The following EEF1B2 variants were observed in gnomAD, a reference collection of about 807,000 sequenced individuals.
EEF1B2 encodes the protein eukaryotic translation elongation factor 1 beta 2.
In EEF1B2, 12 loss-of-function variants were observed where a neutral mutation model predicts 28.3. The ratio of observed to expected loss-of-function variants is 0.42; its 90% CI spans 0.27 to 0.69. The LOEUF is 0.69. Ranked by LOEUF, EEF1B2 falls within the 30% of genes least tolerant of loss-of-function variation. The pLI is 0.22. For missense variants in EEF1B2, 234 were observed against 272.6 expected, an observed-to-expected ratio of 0.86 and a Z score of 1.00; for synonymous variants, 83 against 99.9, an observed-to-expected ratio of 0.83 and a Z score of 1.01.
Position 206,160,767 on chromosome 2 carries a change from A to G in EEF1B2, c.203+57A>G, listed in dbSNP as rs540672669. ...AAGACTGCTCTCGAAGTTTATCAGG[A>G]TGTTCACATGACAAAACTGGACCCA... On this transcript the variant is annotated intron_variant, in intron 2 of 5. Coordinates refer to ENST00000392222, the MANE Select transcript of EEF1B2 (RefSeq NM_001959.4). The G allele has an allele frequency of 3.1e-6, 5 of 1,613,200 alleles. No homozygotes were observed. The South Asian group carries it at 3.3e-5, about 11-fold the overall frequency.
At chr2:206,160,742 A>G (rs1687900522) in intron 2 of EEF1B2, 32 bp downstream of exon 2, 6 of 1,613,772 alleles carry the variant, frequency 3.7e-6, no homozygotes, top group Non-Finnish European at 5.1e-6. Flanking sequence ...GCTGAAGAAT[A>G]AGACTGCTCT....
Position 206,162,783 on chromosome 2 carries a change from T to A in EEF1B2, c.578T>A (p.Val193Asp). 6.2e-6 allele frequency: 10 copies of A among 1,611,896 alleles called. No individual in the cohort carries two copies. Among genetic ancestry groups the A allele is most frequent in the Non-Finnish European group, 7.6e-6 (9 of 1,179,994 alleles). The change falls in exon 6 of 6, where the codon GTT (valine) becomes GAT (aspartate). Residue 193 changes from valine (V) to aspartate (D), a missense_variant. This residue lies in a region of EEF1B2 where 56 missense variants were observed against 99.3 expected (regional missense o/e 0.56). Transcript: ENST00000392222. ...GIKKLQIQCVVEDDKVGTDML... is the reference protein window; with the variant it reads ...GIKKLQIQCVDEDDKVGTDML... ...AAGAAACTTCAAATACAGTGTGTAG[T>A]TGAAGATGATAAAGTTGGAACAGAT...
At chr2:206,162,696 T>C (rs1245889565) in intron 5 of EEF1B2, 33 bp from the exon 6 acceptor site, 4 of 1,612,126 alleles carry the variant, frequency 2.5e-6, no homozygotes, top group South Asian at 1.1e-5. Context: ...ACAAGACTTT[T>C]CTAACTAGGA....
At chr2:206,161,207 C>A in intron 2 of EEF1B2, 139 bp from the exon 3 acceptor site, 1 of 1,196,488 alleles carries the variant, frequency 8.4e-7, no homozygotes, top group South Asian at 1.4e-5. Flanking sequence ...ACAGTGTTTA[C>A]CTGGGCGCAT....
chr2:206,161,594 A>C (rs1180375631), intron 3 of EEF1B2, 122 bp downstream of exon 3: 41 of 1,258,320 alleles, frequency 3.3e-5, no homozygotes, highest in Non-Finnish European at 4.1e-5. Context: ...CAGCCTGGCC[A>C]AGATGGTGAA....
In EEF1B2 at chr2:206,162,119, T is replaced by C. The variant is rs1250675205; in HGVS notation, c.397+15T>C. The C allele has an allele frequency of 1.9e-6, 3 of 1,609,678 alleles. No homozygotes were observed. The African/African-American group carries it at 4.0e-5, about 22-fold the overall frequency. ...GAAAGCCAAAAGTAGGTCATTTGTTTTTAACTTCATTTCATGTTAATGTAA... is the reference window on the plus strand; with the variant it reads ...GAAAGCCAAAAGTAGGTCATTTGTTCTTAACTTCATTTCATGTTAATGTAA... On this transcript the variant is annotated intron_variant, in intron 4 of 5. Transcript: ENST00000392222.
At chr2:206,161,978 C>A in intron 3 of EEF1B2, 60 bp from the exon 4 acceptor site, 1 of 1,460,508 alleles carries the variant, frequency 6.8e-7, no homozygotes, top group Non-Finnish European at 9.6e-7. Context: ...GATGACCCCA[C>A]TAGCTTTAAG....
Position 206,162,475 on chromosome 2 carries a change from T to C in EEF1B2, c.398-14T>C, listed in dbSNP as rs181533336. On this transcript the variant is annotated splice_polypyrimidine_tract_variant and intron_variant, in intron 4 of 5. Transcript: ENST00000392222. ...ACAATTCATTATTTGAATAATGCTG[T>C]TTATTGTTTTTAGAACCTGCACTTG... The C allele has an allele frequency of 3.4e-4, 541 of 1,611,872 alleles. 2 individuals are homozygous for C. In the African/African-American group the frequency reaches 6.6e-3, roughly 20 times the overall value.
At chr2:206,161,804 G>C (rs1687942337) in intron 3 of EEF1B2, 2 of 685,888 alleles carry the variant, frequency 2.9e-6, no homozygotes, top group African/African-American at 1.8e-5. Flanking sequence ...ATCAGCAATT[G>C]TATCAATGTG....
chr2:206,162,355 C>T (rs745442409), intron 4 of EEF1B2, 134 bp from the exon 5 acceptor site: 2 of 1,395,964 alleles, frequency 1.4e-6, no homozygotes, highest in Non-Finnish European at 2.0e-6. Flanking sequence ...GTGTGACAGA[C>T]ACAAGATGTA....
chr2:206,162,557 G>T lies in EEF1B2; in HGVS notation c.466G>T (p.Ala156Ser). Residue 156 changes from alanine (A) to serine (S), a missense_variant, in exon 5 of 6, where the codon GCG becomes TCG. Transcript: ENST00000392222. Reference protein sequence around the residue: ...VKPWDDETDMAKLEECVRSIQ... With the variant: ...VKPWDDETDMSKLEECVRSIQ... ...ACCTTGGGATGATGAGACAGATATG[G>T]CGAAATTAGAGGAGTGCGTCAGAAG... 6.2e-7 allele frequency: 1 copy of T among 1,613,320 alleles called. No individual in the cohort carries two copies. The highest frequency in any genetic ancestry group is 8.5e-7 in the Non-Finnish European group (1 of 1,180,026).
chr2:206,160,784 CTG>C, intron 2 of EEF1B2, 74 bp downstream of exon 2: 1 of 1,610,528 alleles, frequency 6.2e-7, no homozygotes, highest in Non-Finnish European at 8.5e-7. Context: ...CATGACAAAA[CTG>C]GACCCAGGCT....
intron 4 of EEF1B2, 38 bp downstream of exon 4, chr2:206,162,142 T>G: frequency 6.3e-7 from 1 of 1,580,344 alleles, no homozygotes; most frequent in Non-Finnish European, 8.7e-7. Flanking sequence ...CATGTTAATG[T>G]AAGTAATCTT....
Position 206,162,029 on chromosome 2 carries a change from T to C in EEF1B2, c.331-9T>C, listed in dbSNP as rs753733762. 3.1e-6 allele frequency: 5 copies of C among 1,613,762 alleles called. No homozygotes were observed. The highest frequency in any genetic ancestry group is 4.2e-6 in the Non-Finnish European group (5 of 1,179,736). On this transcript the variant is annotated splice_polypyrimidine_tract_variant and intron_variant, in intron 3 of 5. Transcript: ENST00000392222. Reference sequence around the variant, plus strand: ...CTTTCTGAAGTGGATTAATTTTTTTTCTTTACAGGAAAGTGAAGAAGCAAA... The same window carrying C: ...CTTTCTGAAGTGGATTAATTTTTTTCCTTTACAGGAAAGTGAAGAAGCAAA...
intron 3 of EEF1B2, chr2:206,161,768 CA>C (rs34708881): frequency 0.085 from 38,069 of 446,958 alleles, 30 homozygotes; most frequent in South Asian, 0.13. Flanking sequence ...GACTCCGTCC[CA>C]AAAAAAAAAA....
intron 4 of EEF1B2, 111 bp downstream of exon 4, chr2:206,162,215 C>A (rs750469854): frequency 8.3e-7 from 1 of 1,206,944 alleles, no homozygotes; most frequent in Non-Finnish European, 1.2e-6. Flanking sequence ...TATTTTAAAA[C>A]CTGTACAGGT....
In EEF1B2 at chr2:206,160,478, C is replaced by T. The variant is rs1003365375; in HGVS notation, c.81-110C>T. The T allele has an allele frequency of 1.9e-6, 3 of 1,563,582 alleles. No homozygotes were observed. The Admixed American group carries it at 5.7e-5, about 30-fold the overall frequency. ...AAGAAAAGAAAAGCATTAAAGCAAC[C>T]CTGCTGGGGTTAGTGCCCACTAATT... On this transcript the variant is annotated intron_variant, in intron 1 of 5. Transcript: ENST00000392222.
chr2:206,162,268 T>C (rs1451443925), intron 4 of EEF1B2, 164 bp downstream of exon 4: 3 of 1,072,154 alleles, frequency 2.8e-6, no homozygotes, highest in Admixed American at 3.4e-5. Context: ...ATGGTAGCAG[T>C]TGTGGCATTC....
At position 206,160,026 on chromosome 2, in the gene EEF1B2, A is replaced by G. The variant is rs1687858267; in HGVS notation, c.47A>G (p.Asn16Ser). 6.2e-7 allele frequency: 1 copy of G among 1,613,432 alleles called. No individual in the cohort carries two copies. The highest frequency in any genetic ancestry group is 8.5e-7 in the Non-Finnish European group (1 of 1,179,778). The change falls in exon 1 of 6, where the codon AAC (asparagine) becomes AGC (serine). Residue 16 changes from asparagine (N) to serine (S), a missense_variant. This residue lies in a region of EEF1B2 where 178 missense variants were observed against 173.3 expected (regional missense o/e 1.03). Transcript: ENST00000392222. ...LKSPAGLQVLNDYLADKSYIE... is the reference protein window; with the variant it reads ...LKSPAGLQVLSDYLADKSYIE... ...AGCCCTGCCGGCCTCCAGGTGCTCA[A>G]CGATTACCTGGCGGACAAGAGCTAC...
Sources: allele counts gnomAD v4.1 joint callset, GRCh38; gene constraint gnomAD v4.1.1; regional missense constraint gnomAD v4.1.1; transcripts MANE v1.5; gene names NCBI Gene and HGNC (gene_info 2026-07-23, HGNC 2026-07-21).